The following KIAA1210 variants were observed in gnomAD, a reference collection of about 807,000 sequenced individuals.
The protein encoded by KIAA1210 is KIAA1210.
Under a neutral mutation model 78.9 loss-of-function variants are expected in KIAA1210, and 48 were observed. The ratio of observed to expected loss-of-function variants is 0.61; its 90% CI spans 0.48 to 0.77. KIAA1210 has a LOEUF of 0.77. KIAA1210 is among the 30% of genes least tolerant of loss of function. KIAA1210 has a pLI of 0.00. For missense variants in KIAA1210, 1,108 were observed against 1,100.0 expected (o/e 1.01, Z -0.10); for synonymous variants, 406 against 404.5 (o/e 1.00, Z -0.04).
At position 119,081,622 on chromosome X, in the gene KIAA1210, C is replaced by G. The variant is rs192846476; in HGVS notation, c.4427-118G>C. 1,144 of 682,216 alleles carry G rather than the reference C, an allele frequency of 1.7e-3. 6 individuals are homozygous for G. The highest frequency in any genetic ancestry group is 6.4e-4 in the Non-Finnish European group (303 of 469,822). 56.2% of individuals were successfully genotyped at this position (682,216 alleles called of 1,213,427 possible). A position where few individuals can be genotyped will look rare whatever the true frequency, so the allele number is the denominator to read the frequency against. The stretch of plus-strand genomic sequence containing the variant: ...TCAGGTTTCCTCTGATCCCCCTGCT[C>G]TAGTGCTTTCTAAACTCTTCTCCCT... On this transcript the variant is annotated intron_variant, in intron 11 of 11. Transcript: ENST00000691062.
chrX:119,082,905 A>G, intron 11 of KIAA1210, 110 bp downstream of exon 11: 1 of 464,771 alleles, frequency 2.2e-6, no homozygotes, highest in Non-Finnish European at 3.6e-6. Flanking sequence ...GCGAGAAATC[A>G]TTAAGCTGAC....
At chrX:119,131,185 G>A (rs1928781164), upstream of KIAA1210, among the ~76,000 whole-genome samples, 1 of 111,823 alleles carries the variant, frequency 8.9e-6, no homozygotes, top group Non-Finnish European at 1.9e-5. Flanking sequence ...CAGAGTCTGC[G>A]GTAAACAGAA....
chrX:119,137,884 CA>C lies in KIAA1210; in HGVS notation c.410+9588del, dbSNP rs929740173. Among the ~76,000 whole-genome samples, 6 of 111,647 alleles carry C rather than the reference CA, an allele frequency of 5.4e-5. No individual in the cohort carries two copies. In the Admixed American group the frequency reaches 5.7e-4, roughly 11 times the overall value. On this transcript the variant is annotated intron_variant, in intron 2 of 13. Coordinates refer to the KIAA1210 transcript ENST00000402510. ...GTGTACTTTGCTTACATGTGTGGTA[CA>C]GGGGGCTAGATGCCAGAAATGAGGC...
At chrX:119,085,247 C>T (rs2147168901) in intron 10 of KIAA1210, 136 bp downstream of exon 10, 3 of 583,306 alleles carry the variant, frequency 5.1e-6, no homozygotes, top group Admixed American at 3.2e-5. Flanking sequence ...AGTCTTTTTC[C>T]CTGAAGAGTC....
At chrX:119,082,976 C>A in intron 11 of KIAA1210, 39 bp downstream of exon 11, 1 of 956,044 alleles carries the variant, frequency 1.0e-6, no homozygotes, top group South Asian at 2.3e-5. Context: ...AACATTCTGT[C>A]GGGGCTGTTT....
Position 119,078,865 on chromosome X carries a change from T to C in KIAA1210, c.*2464A>G, listed in dbSNP as rs1441728134. On this transcript the variant is annotated 3_prime_UTR_variant, in exon 12 of 12. Transcript: ENST00000691062. Reference sequence around the variant, plus strand: ...AAAAAAGGAAGGGAGGTGTAACAGCTGTGTTGTTAACTGTGGAAAAGAAAT... The same window carrying C: ...AAAAAAGGAAGGGAGGTGTAACAGCCGTGTTGTTAACTGTGGAAAAGAAAT... 1 of 111,201 alleles carries C rather than the reference T, an allele frequency of 9.0e-6. No individual in the cohort carries two copies. Among genetic ancestry groups the C allele is most frequent in the African/African-American group, 3.3e-5 (1 of 30,544 alleles). The allele number at this position is 111,201 out of a possible 1,213,427, so 9.2% of individuals were successfully genotyped here. A position where few individuals can be genotyped will look rare whatever the true frequency, so the allele number is the denominator to read the frequency against.
At position 119,088,599 on chromosome X, in the gene KIAA1210, G is replaced by A; in HGVS notation, c.2103C>T (p.His701=). 1 of 1,211,554 alleles carries A rather than the reference G, an allele frequency of 8.3e-7. No homozygotes were observed. Among genetic ancestry groups the A allele is most frequent in the Non-Finnish European group, 1.1e-6 (1 of 895,352 alleles). Residue 701 remains histidine, a synonymous_variant, in exon 9 of 12, where the codon CAC becomes CAT. Transcript: ENST00000691062. Reference sequence around the variant, plus strand: ...TGGGCTTTCCCAAGGCCTGAGCAGGGTGTCTGAGAGGCAGGTCTTCCTCTG... The same window carrying A: ...TGGGCTTTCCCAAGGCCTGAGCAGGATGTCTGAGAGGCAGGTCTTCCTCTG... ...SSSEEDLPLR[H]PAQALGKPKN...
At chrX:119,109,470 A>G (rs111524645) in intron 3 of KIAA1210, among the ~76,000 whole-genome samples, 76 of 112,172 alleles carry the variant, frequency 6.8e-4, no homozygotes, top group African/African-American at 2.3e-3. Flanking sequence ...CCCTCTGAGG[A>G]ATGGCGCACT....
At chrX:119,090,130 T>G (rs1402516843) in intron 8 of KIAA1210, among the ~76,000 whole-genome samples, 1 of 110,521 alleles carries the variant, frequency 9.0e-6, no homozygotes, top group Non-Finnish European at 1.9e-5. Flanking sequence ...ATTTTCTACA[T>G]AATATTTATC....
rs753159074 is a variant in KIAA1210, at chrX:119,089,111, C to T, written c.1591G>A (p.Ala531Thr). ...PSHIQLEDQE[A>T]FSFDLQKAQS... ...GCCTTTTGTAAATCAAAGCTGAAAG[C>T]TTCTTGATCTTCTAACTGGATATGA... is the stretch of plus-strand genomic sequence containing the variant. Residue 531 changes from alanine (A) to threonine (T), a missense_variant, in exon 9 of 12, where the codon GCT (alanine) becomes ACT (threonine). Physicochemically the swap from Ala to Thr is moderately conservative, Grantham distance 58. Around this residue, in one of 5 missense-constraint regions of KIAA1210, gnomAD observed 672 missense variants for 607.1 expected, o/e 1.11. Coordinates refer to ENST00000691062, the MANE Select transcript of KIAA1210 (RefSeq NM_001394962.1). 2 of 1,211,794 alleles carry T rather than the reference C, an allele frequency of 1.7e-6. No individual in the cohort carries two copies. Among genetic ancestry groups the T allele is most frequent in the South Asian group, 3.5e-5 (2 of 56,986 alleles).
In KIAA1210 at chrX:119,138,659, C is replaced by T. The variant is rs534806418; in HGVS notation, c.410+8814G>A. On this transcript the variant is annotated intron_variant, in intron 2 of 13. Transcript: ENST00000402510. ...GGTGACATCCACAAACCCTAGTGAGCAGGAAGGAGTAAATGATGTGCCCAG... is the reference window on the plus strand; with the variant it reads ...GGTGACATCCACAAACCCTAGTGAGTAGGAAGGAGTAAATGATGTGCCCAG... Among the ~76,000 whole-genome samples, 6 of 111,725 alleles carry T rather than the reference C, an allele frequency of 5.4e-5. No individual in the cohort carries two copies. In the East Asian group the frequency reaches 1.7e-3, roughly 31 times the overall value.
At chrX:119,137,924 C>G (rs1928953398) in intron 2 of KIAA1210, among the ~76,000 whole-genome samples, 1 of 111,438 alleles carries the variant, frequency 9.0e-6, no homozygotes, top group Admixed American at 9.5e-5. Context: ...GGGGTAAGAT[C>G]AAGTCAGAAA....
chrX:119,119,748 G>A (rs1468253865), intron 2 of KIAA1210, among the ~76,000 whole-genome samples: 4 of 110,343 alleles, frequency 3.6e-5, no homozygotes, highest in Admixed American at 9.6e-5. Context: ...AGGCCGAGGC[G>A]GGCGGATCAC....
At chrX:119,121,869 C>T (rs1305261045) in intron 2 of KIAA1210, among the ~76,000 whole-genome samples, 2 of 109,295 alleles carry the variant, frequency 1.8e-5, no homozygotes, top group African/African-American at 6.6e-5. Context: ...CCCGGGTTCA[C>T]GCCATTCTTC....
At chrX:119,145,300 C>T (rs764019753) in intron 2 of KIAA1210, among the ~76,000 whole-genome samples, 24 of 110,815 alleles carry the variant, frequency 2.2e-4, no homozygotes, top group Non-Finnish European at 3.8e-4. Flanking sequence ...GGGAGTGGCT[C>T]TTCCTGCTCA....
At chrX:119,150,555 C>T in exon 1 of KIAA1210, 1 of 1,208,209 alleles carries the variant, frequency 8.3e-7, no homozygotes, top group Non-Finnish European at 1.1e-6. Flanking sequence ...GCAGAGAAGC[C>T]TCGAGGCGTC....
At chrX:119,125,207 T>C (rs1045148022) in intron 1 of KIAA1210, among the ~76,000 whole-genome samples, 10 of 111,695 alleles carry the variant, frequency 9.0e-5, no homozygotes, top group African/African-American at 3.3e-4. Context: ...TGGATGATAT[T>C]ACATTGCTGA....
intron 5 of KIAA1210, among the ~76,000 whole-genome samples, chrX:119,105,924 C>T (rs989693745): frequency 5.4e-5 from 6 of 111,729 alleles, no homozygotes; most frequent in African/African-American, 2.0e-4. Context: ...CAAGAATCTG[C>T]AATGCATTAC....
At position 119,087,054 on chromosome X, in the gene KIAA1210, A is replaced by C; in HGVS notation, c.3648T>G (p.Asn1216Lys). Residue 1216 changes from asparagine (N) to lysine (K), a missense_variant, in exon 9 of 12, where the codon AAT (asparagine) becomes AAG (lysine). Asn to Lys is a moderately conservative substitution (Grantham distance 94, BLOSUM62 0). Transcript: ENST00000691062. ...CTCTTCCTAGGAACCAATTGTCAGA[A>C]TTGCTCTCAAAAACAGATCGCCTAG... is the stretch of plus-strand genomic sequence containing the variant. ...AAARRSVFES[N>K]SDNWFLGRDE... 8.3e-7 allele frequency: 1 copy of C among 1,209,773 alleles called. No individual in the cohort carries two copies. Among genetic ancestry groups the C allele is most frequent in the Middle Eastern group, 2.3e-4 (1 of 4,355 alleles).
Sources: allele counts gnomAD v4.1 joint callset (sites outside exome capture counted in the v4.1 genomes callset), GRCh38; gene constraint gnomAD v4.1.1; regional missense constraint gnomAD v4.1.1; transcripts MANE v1.5; gene names NCBI Gene and HGNC (gene_info 2026-07-23, HGNC 2026-07-21).